The following PTGFRN variants were observed in gnomAD, a reference collection of about 807,000 sequenced individuals.
PTGFRN encodes the protein prostaglandin F2 receptor inhibitor.
A neutral mutation model predicts 83.2 loss-of-function variants in PTGFRN; 35 were observed. The ratio of observed to expected loss-of-function variants is 0.42; its 90% CI spans 0.32 to 0.56. PTGFRN has a LOEUF of 0.56. Ranked by LOEUF, PTGFRN falls within the 20% of genes least tolerant of loss-of-function variation. PTGFRN has a pLI of 0.11. For synonymous variants in PTGFRN, 519 were observed against 498.6 expected, an observed-to-expected ratio of 1.04 and a Z score of -0.55; for missense variants, 1,051 against 1,179.5, an observed-to-expected ratio of 0.89 and a Z score of 1.60.
chr1:116,928,488 A>T (rs1400762155), intron 1 of PTGFRN, among the ~76,000 whole-genome samples: 1 of 152,128 alleles, frequency 6.6e-6, no homozygotes, highest in Non-Finnish European at 1.5e-5. Flanking sequence ...CCTCTGTCAT[A>T]TTTCTTTGCC....
intron 7 of PTGFRN, among the ~76,000 whole-genome samples, chr1:116,978,867 G>A (rs1444726424): frequency 3.9e-5 from 6 of 152,082 alleles, no homozygotes; most frequent in Admixed American, 1.3e-4. Context: ...TGGAAGTTCT[G>A]GCCAGGGCAA....
intron 1 of PTGFRN, among the ~76,000 whole-genome samples, chr1:116,911,767 T>C (rs1027609975): frequency 2.6e-5 from 4 of 152,212 alleles, no homozygotes; most frequent in Admixed American, 1.3e-4. Flanking sequence ...CTCAGTCTCC[T>C]GAAGTGCTGG....
intron 1 of PTGFRN, among the ~76,000 whole-genome samples, chr1:116,930,104 C>G (rs1048997475): frequency 1.3e-5 from 2 of 152,154 alleles, no homozygotes; most frequent in African/African-American, 2.4e-5. Context: ...AGATATTGTG[C>G]AGGATGCAGA....
intron 1 of PTGFRN, among the ~76,000 whole-genome samples, chr1:116,914,238 A>G (rs985026806): frequency 6.6e-6 from 1 of 152,212 alleles, no homozygotes; most frequent in African/African-American, 2.4e-5. Flanking sequence ...AAAGGAGGAA[A>G]GAGCGTAGAG....
chr1:116,974,409 G>C, intron 7 of PTGFRN, 86 bp downstream of exon 7: 3 of 1,050,664 alleles, frequency 2.9e-6, no homozygotes, highest in Non-Finnish European at 4.3e-6. Flanking sequence ...ACAGATGTGG[G>C]TTAGGGATAG....
chr1:116,967,679 A>C (rs1197813352), intron 6 of PTGFRN, among the ~76,000 whole-genome samples: 1 of 152,244 alleles, frequency 6.6e-6, no homozygotes, highest in Non-Finnish European at 1.5e-5. Flanking sequence ...AATGGAATAT[A>C]ATATGTGGCC....
intron 7 of PTGFRN, among the ~76,000 whole-genome samples, chr1:116,983,968 C>T (rs980010188): frequency 6.6e-6 from 1 of 152,158 alleles, no homozygotes; most frequent in Non-Finnish European, 1.5e-5. Flanking sequence ...TCTTCTTTCT[C>T]TTATGCCCAT....
intron 6 of PTGFRN, among the ~76,000 whole-genome samples, chr1:116,971,245 A>G (rs1019989239): frequency 6.6e-6 from 1 of 152,058 alleles, no homozygotes; most frequent in Non-Finnish European, 1.5e-5. Context: ...GGTAAACATT[A>G]ATACCACGTT....
In PTGFRN at chr1:116,941,923, G is replaced by A. The variant is rs1402987483; in HGVS notation, c.258G>A (p.Arg86=). 6.2e-7 allele frequency: 1 copy of A among 1,614,188 alleles called. No homozygotes were observed. The highest frequency in any genetic ancestry group is 1.3e-5 in the African/African-American group (1 of 75,052). ...TCCCAGCCCAGCTGTACCAGGAGCGGCTGCAGAGGGGCGAGATCCTGTTAA... is the reference window on the plus strand; with the variant it reads ...TCCCAGCCCAGCTGTACCAGGAGCGACTGCAGAGGGGCGAGATCCTGTTAA... The part of the protein sequence containing the change: ...VGFPAQLYQE[R]LQRGEILLRR... The change falls in exon 2 of 9, where the codon CGG becomes CGA. Residue 86 remains arginine (R), a synonymous_variant. Coordinates refer to ENST00000393203, the MANE Select transcript of PTGFRN (RefSeq NM_020440.4). This position sits in a 1 kb window ranked among gnomAD's most constrained non-coding sequence, Gnocchi z 5.0.
At chr1:116,981,944 G>C (rs1278621103) in intron 7 of PTGFRN, among the ~76,000 whole-genome samples, 1 of 152,164 alleles carries the variant, frequency 6.6e-6, no homozygotes, top group Non-Finnish European at 1.5e-5. Flanking sequence ...GTTTATGGGA[G>C]ATGTTAGAAA....
At chr1:116,984,589 TAC>T in intron 7 of PTGFRN, 89 bp from the exon 8 acceptor site, 1 of 1,272,026 alleles carries the variant, frequency 7.9e-7, no homozygotes, top group Non-Finnish European at 1.1e-6. Flanking sequence ...GTGCTTGCCA[TAC>T]GTAGTAAGGG....
chr1:116,944,859 C>A lies in PTGFRN; in HGVS notation c.599C>A (p.Thr200Asn). 1 of 1,603,124 alleles carries A rather than the reference C, an allele frequency of 6.2e-7. No homozygotes were observed. Among genetic ancestry groups the A allele is most frequent in the Non-Finnish European group, 8.5e-7 (1 of 1,176,386 alleles). ...GCCAGGCGGAGCGTCCTCGCCCTGA[C>A]CCACGAGGGCAGGTTCCACCCGGGC... ...GPARRSVLALTHEGRFHPGLG... is the reference protein window; with the variant it reads ...GPARRSVLALNHEGRFHPGLG... The change falls in exon 3 of 9, where the codon ACC (threonine) becomes AAC (asparagine). Residue 200 changes from threonine to asparagine, a missense_variant. Thr to Asn is a moderately conservative substitution (Grantham distance 65). Transcript: ENST00000393203.
At chr1:116,938,634 T>A (rs780057285) in intron 1 of PTGFRN, among the ~76,000 whole-genome samples, 9 of 152,062 alleles carry the variant, frequency 5.9e-5, no homozygotes, top group Non-Finnish European at 1.2e-4. Flanking sequence ...CCAAACCATA[T>A]AATTCTGCCC....
Position 116,988,938 on chromosome 1 carries a change from T to C in PTGFRN, c.*1971T>C, listed in dbSNP as rs764178098. On this transcript the variant is annotated 3_prime_UTR_variant, in exon 9 of 9. Transcript: ENST00000393203. ...TCTGCATGTCATAACATATCCTAAC[T>C]GCTATTTCAGAAGAGGCAGCTTGTA... 1 of 152,226 alleles carries C rather than the reference T, an allele frequency of 6.6e-6. No homozygotes were observed. The allele number at this position is 152,226 out of a possible 1,614,324, so 9.4% of individuals were successfully genotyped here. A position where few individuals can be genotyped will look rare whatever the true frequency, so the allele number is the denominator to read the frequency against.
intron 1 of PTGFRN, among the ~76,000 whole-genome samples, chr1:116,916,893 C>T (rs1266074914): frequency 6.6e-6 from 1 of 152,072 alleles, no homozygotes; most frequent in Non-Finnish European, 1.5e-5. Context: ...ACAAAATGCA[C>T]TAGATGTCAG....
intron 4 of PTGFRN, among the ~76,000 whole-genome samples, chr1:116,950,444 C>G (rs915789106): frequency 5.3e-5 from 8 of 152,164 alleles, no homozygotes; most frequent in African/African-American, 1.9e-4. Context: ...TTTGATCTCT[C>G]TACTGTCCGT....
chr1:116,988,921 TCATAA>T lies in PTGFRN; in HGVS notation c.*1959_*1963del, dbSNP rs961789246. ...ACTAGATTTGGGTATTTTCTGCATG[TCATAA>T]CATATCCTAACTGCTATTTCAGAAG... On this transcript the variant is annotated 3_prime_UTR_variant, in exon 9 of 9. Coordinates refer to ENST00000393203, the MANE Select transcript of PTGFRN (RefSeq NM_020440.4). 3.5e-4 allele frequency: 54 copies of T among 152,374 alleles called. No homozygotes were observed. Among genetic ancestry groups the T allele is most frequent in the African/African-American group, 1.2e-3 (50 of 41,580 alleles). 9.4% of individuals were successfully genotyped at this position (152,374 alleles called of 1,614,324 possible). A position where few individuals can be genotyped will look rare whatever the true frequency, so the allele number is the denominator to read the frequency against.
Position 116,939,534 on chromosome 1 carries a change from A to C in PTGFRN, c.50-2181A>C, listed in dbSNP as rs575595700. Among the ~76,000 whole-genome samples, 3 of 152,306 alleles carry C rather than the reference A, an allele frequency of 2.0e-5. No homozygotes were observed. In the South Asian group the frequency reaches 6.2e-4, roughly 32 times the overall value. On this transcript the variant is annotated intron_variant, in intron 1 of 8. Transcript: ENST00000393203. ...AGCACAGGGACCCTGGACCTGGCCC[A>C]TGAAACCACTTTTTCCACTCCTGGG...
At chr1:116,977,347 G>T (rs1215110434) in intron 7 of PTGFRN, among the ~76,000 whole-genome samples, 1 of 152,132 alleles carries the variant, frequency 6.6e-6, no homozygotes. Flanking sequence ...TCCAGGAATT[G>T]AACTCAGCTC....
Sources: gnomAD v4.1 joint callset for allele counts (sites outside exome capture counted in the v4.1 genomes callset) on GRCh38, gnomAD v4.1.1 for gene constraint, Gnocchi (gnomAD v3.1) non-coding constraint, MANE v1.5 for transcripts, NCBI Gene and HGNC (gene_info 2026-07-23, HGNC 2026-07-21) for gene names.